The following TAFA5 variants were observed in gnomAD, a reference collection of about 807,000 sequenced individuals.
TAFA5 encodes chemokine-like protein TAFA-5.
A neutral mutation model predicts 15.3 loss-of-function variants in TAFA5; 6 were observed. That is an observed-to-expected ratio of 0.39 (90% CI 0.21 to 0.77). The LOEUF (loss-of-function observed/expected upper bound fraction) is 0.77, where lower values mean the gene tolerates loss of function less well. Ranked by LOEUF, TAFA5 falls within the 30% of genes least tolerant of loss-of-function variation. The probability of loss-of-function intolerance (pLI) is 0.41; values close to 1 mark genes in which losing one functional copy is unlikely to be tolerated. For synonymous variants in TAFA5, 103 were observed against 80.7 expected (o/e 1.28, Z -1.48); for missense variants, 161 against 193.1 (o/e 0.83, Z 0.98).
chr22:48,585,714 CCACACACAA>C (rs768357020), intron 1 of TAFA5, among the ~76,000 whole-genome samples: 30 of 151,518 alleles, frequency 2.0e-4, no homozygotes, highest in Non-Finnish European at 3.7e-4. Context: ...ACAGAATATA[CCACACACAA>C]CACACACACA....
intron 1 of TAFA5, among the ~76,000 whole-genome samples, chr22:48,615,748 C>G (rs991896295): frequency 6.6e-6 from 1 of 152,198 alleles, no homozygotes; most frequent in Non-Finnish European, 1.5e-5. Context: ...GGCAATGCCT[C>G]TTCCACTGGG....
intron 1 of TAFA5, among the ~76,000 whole-genome samples, chr22:48,633,354 G>T (rs1282041400): frequency 3.3e-5 from 5 of 152,218 alleles, no homozygotes; most frequent in African/African-American, 1.2e-4. Context: ...GAGAGAGGGG[G>T]CCAGCGGGCA....
intron 1 of TAFA5, among the ~76,000 whole-genome samples, chr22:48,511,011 A>T (rs1921191337): frequency 1.3e-5 from 2 of 152,174 alleles, no homozygotes; most frequent in South Asian, 4.1e-4. Context: ...GCCCACATGG[A>T]TATTGCTGTC....
chr22:48,584,819 G>T (rs186519870), intron 1 of TAFA5, among the ~76,000 whole-genome samples: 2 of 139,298 alleles, frequency 1.4e-5, no homozygotes, highest in South Asian at 4.6e-4. Context: ...CAGCACACAC[G>T]CATACACACG....
chr22:48,493,019 G>A (rs557392704), intron 1 of TAFA5, among the ~76,000 whole-genome samples: 1 of 152,318 alleles, frequency 6.6e-6, no homozygotes, highest in East Asian at 1.9e-4. Context: ...TTCTGTGCCC[G>A]CCGCTGAAGA....
At chr22:48,637,526 G>A (rs981837595) in intron 1 of TAFA5, among the ~76,000 whole-genome samples, 4 of 152,190 alleles carry the variant, frequency 2.6e-5, no homozygotes, top group Admixed American at 2.6e-4. Context: ...CCTAATTGAT[G>A]TGCGGAGCCA....
intron 1 of TAFA5, among the ~76,000 whole-genome samples, chr22:48,527,267 C>T (rs1478611957): frequency 1.3e-5 from 2 of 152,260 alleles, no homozygotes; most frequent in African/African-American, 4.8e-5. Context: ...TCAAGGTCCA[C>T]TTAGACCCCA....
intron 3 of TAFA5, among the ~76,000 whole-genome samples, chr22:48,743,486 C>G (rs1007509495): frequency 1.3e-5 from 2 of 152,224 alleles, no homozygotes; most frequent in Non-Finnish European, 2.9e-5. Flanking sequence ...CCAAGTAAGA[C>G]CCCATGCACA....
At chr22:48,722,857 A>G (rs560338455) in intron 3 of TAFA5, among the ~76,000 whole-genome samples, 1 of 152,160 alleles carries the variant, frequency 6.6e-6, no homozygotes, top group African/African-American at 2.4e-5. Flanking sequence ...GGTCCATCCT[A>G]ACAGTGAGCA....
intron 1 of TAFA5, among the ~76,000 whole-genome samples, chr22:48,542,090 T>C (rs1922400335): frequency 7.4e-6 from 1 of 135,890 alleles, no homozygotes; most frequent in Non-Finnish European, 1.6e-5. Context: ...TGTGTGTGCA[T>C]GTGTGATGTG....
intron 2 of TAFA5, among the ~76,000 whole-genome samples, chr22:48,689,491 G>A (rs1928470936): frequency 6.6e-6 from 1 of 152,210 alleles, no homozygotes. Flanking sequence ...GTCGGGTTCT[G>A]ACGCCTGAGG....
intron 1 of TAFA5, among the ~76,000 whole-genome samples, chr22:48,578,686 T>C (rs1384284192): frequency 1.3e-5 from 2 of 152,238 alleles, no homozygotes; most frequent in East Asian, 1.9e-4. Context: ...CCTGAAGTCC[T>C]GTCTCCCTGT....
intron 1 of TAFA5, among the ~76,000 whole-genome samples, chr22:48,505,363 C>T (rs1250134063): frequency 6.6e-6 from 1 of 152,218 alleles, no homozygotes; most frequent in Non-Finnish European, 1.5e-5. Context: ...TCCATGGCCA[C>T]TGCTGGGTGC....
chr22:48,547,618 AC>A (rs140904364), intron 1 of TAFA5, among the ~76,000 whole-genome samples: 5,635 of 152,242 alleles, frequency 0.037, 162 homozygotes, highest in Non-Finnish European at 0.061. Context: ...TGCCTTATGT[AC>A]CGGCCCTTGG....
chr22:48,575,030 T>C lies in TAFA5; in HGVS notation c.113-71567T>C, dbSNP rs114109107. On this transcript the variant is annotated intron_variant, in intron 1 of 3. Transcript: ENST00000402357. ...CAGGTGTGAGTGTGTTTGTGTGTGT[T>C]TCCAGGCAGATGTGCCGTTTTCAGA... is the stretch of plus-strand genomic sequence containing the variant. 1.8e-3 allele frequency among the ~76,000 whole-genome samples: 273 copies of C among 152,196 alleles called. 1 individual carries two copies. The highest frequency in any genetic ancestry group is 5.9e-3 in the African/African-American group (246 of 41,588).
chr22:48,502,504 G>A (rs1417030732), intron 1 of TAFA5, among the ~76,000 whole-genome samples: 2 of 150,796 alleles, frequency 1.3e-5, no homozygotes, highest in Non-Finnish European at 2.9e-5. Flanking sequence ...TGACTTGGGA[G>A]TGGCCTCTCT....
At chr22:48,600,000 C>A (rs189558668) in intron 1 of TAFA5, among the ~76,000 whole-genome samples, 1 of 152,260 alleles carries the variant, frequency 6.6e-6, no homozygotes, top group Admixed American at 6.5e-5. Flanking sequence ...GCTCTCCCCC[C>A]GTCTGTCTCC....
chr22:48,564,201 G>A (rs1310431983), intron 1 of TAFA5, among the ~76,000 whole-genome samples: 1 of 152,216 alleles, frequency 6.6e-6, no homozygotes, highest in Non-Finnish European at 1.5e-5. Context: ...AATGAGCAAA[G>A]GCCGTTACTC....
intron 2 of TAFA5, among the ~76,000 whole-genome samples, chr22:48,656,336 T>A (rs1927242419): frequency 6.6e-6 from 1 of 151,892 alleles, no homozygotes; most frequent in South Asian, 2.1e-4. Context: ...AAGCCCCGTC[T>A]CTACTAAAAA....
Sources: gnomAD v4.1 joint callset for allele counts (sites outside exome capture counted in the v4.1 genomes callset) on GRCh38, gnomAD v4.1.1 for gene constraint, MANE v1.5 for transcripts, NCBI Gene and HGNC (gene_info 2026-07-23, HGNC 2026-07-21) for gene names.